ERICH5: variants seen among roughly 807,000 people sequenced by gnomAD.
ERICH5 encodes glutamate rich 5.
Under a neutral mutation model 28.0 loss-of-function variants are expected in ERICH5, and 24 were observed. That is an observed-to-expected ratio of 0.86 (90% CI 0.62 to 1.21). ERICH5 has a LOEUF of 1.21. ERICH5 is among the 50% of genes most tolerant of loss of function. ERICH5 has a pLI of 0.00. For synonymous variants in ERICH5, 163 were observed against 157.6 expected (o/e 1.03, Z -0.25); for missense variants, 421 against 441.2 (o/e 0.95, Z 0.41).
At chr8:98,092,725 A>G (rs1815428723) in intron 2 of ERICH5, among the ~76,000 whole-genome samples, 1 of 151,110 alleles carries the variant, frequency 6.6e-6, no homozygotes, top group Admixed American at 6.6e-5. Context: ...TTGACTCGAC[A>G]TTTCAGCCAT....
At chr8:98,080,885 A>G (rs1815171648) in intron 1 of ERICH5, among the ~76,000 whole-genome samples, 1 of 151,568 alleles carries the variant, frequency 6.6e-6, no homozygotes, top group Non-Finnish European at 1.5e-5. Flanking sequence ...TAATTTTTTT[A>G]GAAGAGATGG....
rs764068297 is a variant in ERICH5, at chr8:98,089,079, C to T, written c.62C>T (p.Thr21Ile). The change falls in exon 2 of 3, where the codon ACT (threonine) becomes ATT (isoleucine). Residue 21 changes from threonine to isoleucine, a missense_variant. By Grantham distance (89) the Thr-to-Ile change is moderately conservative (BLOSUM62 -1). Coordinates refer to ENST00000318528, the MANE Select transcript of ERICH5 (RefSeq NM_173549.3). ...TTTTTCAAATGAATAACCAAAGTAA[C>T]TTCAAATGAGCATTTTTCAACTGCA... ...AGDSSRFPSV[T>I]SNEHFSTAEE... is the part of the protein sequence containing the mutation. The T allele has an allele frequency of 6.3e-7, 1 of 1,596,566 alleles. No homozygotes were observed. Among genetic ancestry groups the T allele is most frequent in the Admixed American group, 1.8e-5 (1 of 56,006 alleles).
intron 1 of ERICH5, among the ~76,000 whole-genome samples, chr8:98,088,711 A>T (rs1340063925): frequency 1.3e-5 from 2 of 152,212 alleles, no homozygotes; most frequent in Admixed American, 6.5e-5. Context: ...AAAATTTTTT[A>T]AAAAGGAAAC....
Position 98,089,803 on chromosome 8 carries a change from C to G in ERICH5, c.786C>G (p.Pro262=), listed in dbSNP as rs772405768. The change falls in exon 2 of 3, where the codon CCC becomes CCG. Residue 262 remains proline (P), a synonymous_variant. Transcript: ENST00000318528. ...EEQPQLLERI[P]KENVTPEVLD... ...AGCCCCAGCTTCTAGAAAGAATTCCCAAAGAGAATGTAACACCAGAAGTAT... is the reference window on the plus strand; with the variant it reads ...AGCCCCAGCTTCTAGAAAGAATTCCGAAAGAGAATGTAACACCAGAAGTAT... 2.5e-6 allele frequency: 4 copies of G among 1,613,928 alleles called. No homozygotes were observed. The African/African-American group carries it at 5.3e-5, about 22-fold the overall frequency.
At chr8:98,086,905 C>T (rs188590421) in intron 1 of ERICH5, among the ~76,000 whole-genome samples, 11 of 148,262 alleles carry the variant, frequency 7.4e-5, no homozygotes, top group South Asian at 2.1e-4. Flanking sequence ...GAGCCGAGAT[C>T]GCGCCACCAC....
Position 98,089,966 on chromosome 8 carries a change from G to T in ERICH5, c.949G>T (p.Ala317Ser). The T allele has an allele frequency of 6.2e-7, 1 of 1,614,150 alleles. No homozygotes were observed. Among genetic ancestry groups the T allele is most frequent in the Non-Finnish European group, 8.5e-7 (1 of 1,180,034 alleles). The change falls in exon 2 of 3, where the codon GCA becomes TCA. Residue 317 changes from alanine (A) to serine (S), a missense_variant. Ala to Ser is a moderately conservative substitution (Grantham distance 99). Coordinates refer to ENST00000318528, the MANE Select transcript of ERICH5 (RefSeq NM_173549.3). ...GGAGCATCCAGCACGAAATGTAGAG[G>T]CAGGAGCATATGTGGAAATGATCAG... Reference protein sequence around the residue: ...SMEHPARNVEAGAYVEMIRNI... With the variant: ...SMEHPARNVESGAYVEMIRNI...
At chr8:98,074,426 C>T (rs1273501171) in intron 1 of ERICH5, among the ~76,000 whole-genome samples, 3 of 133,076 alleles carry the variant, frequency 2.3e-5, no homozygotes, top group African/African-American at 5.6e-5. Flanking sequence ...TTTTAATTTA[C>T]TTTTTTTTTT....
Position 98,089,281 on chromosome 8 carries a change from A to T in ERICH5, c.264A>T (p.Val88=). Residue 88 remains valine (V), a synonymous_variant, in exon 2 of 3, where the codon GTA becomes GTT. Transcript: ENST00000318528. ...PLQEQPLAKD[V]APGRDATDQS... ...AAGAACAGCCCCTGGCCAAGGACGT[A>T]GCCCCTGGAAGGGATGCCACAGACC... The T allele has an allele frequency of 6.2e-7, 1 of 1,614,232 alleles. No homozygotes were observed. Among genetic ancestry groups the T allele is most frequent in the African/African-American group, 1.3e-5 (1 of 75,072 alleles).
At position 98,090,062 on chromosome 8, in the gene ERICH5, G is replaced by A. The variant is rs550005135; in HGVS notation, c.1012+33G>A. On this transcript the variant is annotated intron_variant, in intron 2 of 2. Coordinates refer to ENST00000318528, the MANE Select transcript of ERICH5 (RefSeq NM_173549.3). ...TTATGCTGGCAAACCTGGATGTTTA[G>A]ATGTGCTCCATAGGAGACCAGCTCT... 5.4e-5 allele frequency: 82 copies of A among 1,518,680 alleles called. No individual in the cohort carries two copies. The South Asian group carries it at 9.0e-4, about 17-fold the overall frequency. 94.1% of individuals were successfully genotyped at this position (1,518,680 alleles called of 1,614,324 possible).
At chr8:98,067,671 A>C (rs947117059) in intron 1 of ERICH5, among the ~76,000 whole-genome samples, 1 of 151,418 alleles carries the variant, frequency 6.6e-6, no homozygotes, top group Admixed American at 6.6e-5. Flanking sequence ...GCTGGAGTGC[A>C]ATGGCATGAT....
intron 1 of ERICH5, among the ~76,000 whole-genome samples, chr8:98,073,181 G>C (rs1190303691): frequency 3.3e-5 from 5 of 151,718 alleles, no homozygotes; most frequent in Non-Finnish European, 5.9e-5. Flanking sequence ...CTTTGAGCCA[G>C]GTACTGACCC....
chr8:98,067,456 A>T (rs78902628), intron 1 of ERICH5, among the ~76,000 whole-genome samples: 1 of 136,578 alleles, frequency 7.3e-6, no homozygotes, highest in East Asian at 2.1e-4. Flanking sequence ...AGACTCAATT[A>T]AAAAAAAAAA....
intron 2 of ERICH5, 77 bp from the exon 3 acceptor site, chr8:98,093,144 T>C (rs955302586): frequency 1.0e-5 from 10 of 993,178 alleles, no homozygotes; most frequent in Middle Eastern, 2.2e-4. Flanking sequence ...ACTGCCCCCA[T>C]TGGAGACAAA....
Position 98,089,198 on chromosome 8 carries a change from C to G in ERICH5, c.181C>G (p.Pro61Ala). The change falls in exon 2 of 3, where the codon CCC (proline) becomes GCC (alanine). Residue 61 changes from proline to alanine, a missense_variant. Coordinates refer to ENST00000318528, the MANE Select transcript of ERICH5 (RefSeq NM_173549.3). The part of the protein sequence containing the change: ...DGNVQRESRP[P>A]LQKLKVSAEP... Reference sequence around the variant, plus strand: ...CAATGTACAAAGGGAAAGCCGTCCTCCCTTACAAAAGCTCAAGGTTTCAGC... The same window carrying G: ...CAATGTACAAAGGGAAAGCCGTCCTGCCTTACAAAAGCTCAAGGTTTCAGC... The G allele has an allele frequency of 6.2e-7, 1 of 1,614,200 alleles. No individual in the cohort carries two copies. The highest frequency in any genetic ancestry group is 2.2e-5 in the East Asian group (1 of 44,878).
At chr8:98,072,609 G>A (rs1181067174) in intron 1 of ERICH5, among the ~76,000 whole-genome samples, 2 of 152,148 alleles carry the variant, frequency 1.3e-5, no homozygotes, top group East Asian at 3.8e-4. Flanking sequence ...CTGCACTGCA[G>A]CCTGGGTGAC....
chr8:98,071,636 C>T (rs1432732496), intron 1 of ERICH5, among the ~76,000 whole-genome samples: 2 of 151,982 alleles, frequency 1.3e-5, no homozygotes, highest in African/African-American at 4.8e-5. Flanking sequence ...ACCCACTGTG[C>T]CCCACTGTAA....
intron 1 of ERICH5, among the ~76,000 whole-genome samples, chr8:98,075,589 G>A (rs914383165): frequency 2.0e-5 from 3 of 152,020 alleles, no homozygotes; most frequent in African/African-American, 7.3e-5. Flanking sequence ...ATCAGTCAGC[G>A]GAAAGACCTT....
At chr8:98,079,023 G>A (rs181342405) in intron 1 of ERICH5, among the ~76,000 whole-genome samples, 3 of 152,194 alleles carry the variant, frequency 2.0e-5, no homozygotes, top group East Asian at 1.9e-4. Context: ...AAAATCATAC[G>A]GACAGAGTGT....
intron 1 of ERICH5, among the ~76,000 whole-genome samples, chr8:98,066,565 T>C (rs897680160): frequency 5.3e-5 from 8 of 152,246 alleles, no homozygotes; most frequent in African/African-American, 1.9e-4. Flanking sequence ...TGAGTTACAC[T>C]CTTCCATTTT....
Sources: gnomAD v4.1 joint callset for allele counts (sites outside exome capture counted in the v4.1 genomes callset) on GRCh38, gnomAD v4.1.1 for gene constraint, MANE v1.5 for transcripts, NCBI Gene and HGNC (gene_info 2026-07-23, HGNC 2026-07-21) for gene names.